Variants in ALKBH1 observed in about 807,000 individuals in gnomAD.
ALKBH1 encodes nucleic acid dioxygenase ALKBH1.
Under a neutral mutation model 36.6 loss-of-function variants are expected in ALKBH1, and 31 were observed. The observed-to-expected ratio is 0.85, with a 90% CI of 0.64 to 1.14. The LOEUF is 1.14. Among genes scored for constraint, ALKBH1 ranks in the 50% most tolerant of loss-of-function variants. ALKBH1 has a pLI of 0.00. For synonymous variants in ALKBH1, 183 were observed against 186.6 expected, an observed-to-expected ratio of 0.98 and a Z score of 0.16; for missense variants, 490 against 497.3, an observed-to-expected ratio of 0.99 and a Z score of 0.14.
In ALKBH1 at chr14:77,688,281, CTGCTTT is replaced by C. The variant is rs577096303; in HGVS notation, c.455+6451_455+6456del. On this transcript the variant is annotated intron_variant, in intron 3 of 5. Coordinates refer to ENST00000216489, the MANE Select transcript of ALKBH1 (RefSeq NM_006020.3). ...TTTTTGAGACAGAGTCTCAATTGCT[CTGCTTT>C]TGCTCTGTCGCCAGGCTGGAGTGCA... Among the ~76,000 whole-genome samples, 38 of 146,328 alleles carry C rather than the reference CTGCTTT, an allele frequency of 2.6e-4. No homozygotes were observed. In the East Asian group the frequency reaches 6.8e-3, roughly 26 times the overall value.
chr14:77,705,778 C>T (rs539131384), intron 1 of ALKBH1, among the ~76,000 whole-genome samples: 4 of 151,970 alleles, frequency 2.6e-5, no homozygotes, highest in East Asian at 1.9e-4. Flanking sequence ...TGAAACAGGC[C>T]GAGCGGTGGC....
intron 3 of ALKBH1, among the ~76,000 whole-genome samples, chr14:77,685,400 G>A (rs1049586099): frequency 4.0e-5 from 6 of 150,870 alleles, no homozygotes; most frequent in Non-Finnish European, 8.8e-5. Flanking sequence ...TCATGCCACT[G>A]CACTCCAGCC....
intron 3 of ALKBH1, among the ~76,000 whole-genome samples, chr14:77,693,298 C>T (rs2080308755): frequency 6.6e-6 from 1 of 151,984 alleles, no homozygotes; most frequent in Non-Finnish European, 1.5e-5. Flanking sequence ...TTCTTCTCAC[C>T]TTGGCCTCCC....
chr14:77,693,206 CAA>C (rs59132199), intron 3 of ALKBH1, among the ~76,000 whole-genome samples: 9 of 126,738 alleles, frequency 7.1e-5, no homozygotes, highest in Non-Finnish European at 8.4e-5. Flanking sequence ...AACTCCGTCT[CAA>C]AAAAAAAAAA....
At chr14:77,679,153 G>A (rs2080222955) in intron 4 of ALKBH1, among the ~76,000 whole-genome samples, 1 of 151,932 alleles carries the variant, frequency 6.6e-6, no homozygotes, top group Admixed American at 6.6e-5. Context: ...GTGAGTTGAC[G>A]AATGAACAAT....
rs774703181 is a variant in ALKBH1, at chr14:77,680,677, C to CTCTTTTT, written c.456-708_456-707insAAAAAGA. 1.2e-3 allele frequency among the ~76,000 whole-genome samples: 145 copies of CTCTTTTT among 124,318 alleles called. 8 individuals are homozygous for CTCTTTTT. Among genetic ancestry groups the CTCTTTTT allele is most frequent in the African/African-American group, 3.0e-3 (93 of 31,342 alleles). 81.6% of individuals were successfully genotyped at this position (124,318 alleles called of 152,430 possible). On this transcript the variant is annotated intron_variant, in intron 3 of 5. Coordinates refer to ENST00000216489, the MANE Select transcript of ALKBH1 (RefSeq NM_006020.3). ...GATCAAATCTATGTGATTAACTACT[C>CTCTTTTT]TTTTTTTTTTTTTTTTTTTGAGACA...
At chr14:77,693,398 T>C (rs1471499854) in intron 3 of ALKBH1, among the ~76,000 whole-genome samples, 3 of 152,192 alleles carry the variant, frequency 2.0e-5, no homozygotes, top group East Asian at 3.9e-4. Flanking sequence ...ATAACTAAAG[T>C]ACAAATTTCT....
At chr14:77,701,371 C>T (rs1388701492) in intron 2 of ALKBH1, among the ~76,000 whole-genome samples, 1 of 152,090 alleles carries the variant, frequency 6.6e-6, no homozygotes, top group East Asian at 1.9e-4. Context: ...AAAACTTGCC[C>T]AAAGTCTTAC....
intron 3 of ALKBH1, among the ~76,000 whole-genome samples, chr14:77,691,406 G>A (rs1344873200): frequency 1.3e-5 from 2 of 152,136 alleles, no homozygotes; most frequent in African/African-American, 4.8e-5. Flanking sequence ...CAGGGGAACT[G>A]TTTTGAACTC....
At chr14:77,705,122 T>A (rs2080380917) in intron 1 of ALKBH1, among the ~76,000 whole-genome samples, 1 of 151,770 alleles carries the variant, frequency 6.6e-6, no homozygotes, top group East Asian at 1.9e-4. Context: ...GGTGAGAAAA[T>A]GAAAAGAGAA....
At chr14:77,705,782 C>T (rs923279350) in intron 1 of ALKBH1, among the ~76,000 whole-genome samples, 3 of 152,078 alleles carry the variant, frequency 2.0e-5, no homozygotes, top group African/African-American at 7.2e-5. Flanking sequence ...ACAGGCCGAG[C>T]GGTGGCTCAC....
chr14:77,700,753 G>C (rs1401623769), intron 2 of ALKBH1, among the ~76,000 whole-genome samples: 3 of 152,130 alleles, frequency 2.0e-5, no homozygotes, highest in African/African-American at 4.8e-5. Context: ...TCTTTAGGCA[G>C]TCCATTTTAG....
intron 3 of ALKBH1, among the ~76,000 whole-genome samples, chr14:77,681,064 T>A (rs184851177): frequency 1.3e-5 from 2 of 151,808 alleles, no homozygotes; most frequent in Non-Finnish European, 3.0e-5. Flanking sequence ...AATGATTTAA[T>A]TTTTCTCTGT....
chr14:77,694,791 G>A lies in ALKBH1; in HGVS notation c.402C>T (p.His134=), dbSNP rs780327045. The change falls in exon 3 of 6, where the codon CAC becomes CAT. Residue 134 remains histidine (H), a synonymous_variant. Coordinates refer to ENST00000216489, the MANE Select transcript of ALKBH1 (RefSeq NM_006020.3). ...GATCTTGGGTCTCTTCTTTAGACAT[G>A]TGTTTGTCCAGGTTACATACATTAG... ...QKPNVCNLDK[H]MSKEETQDLW... 1.9e-6 allele frequency: 3 copies of A among 1,609,246 alleles called. No homozygotes were observed. The highest frequency in any genetic ancestry group is 2.2e-5 in the South Asian group (2 of 89,514).
chr14:77,686,359 G>GC (rs2080268197), intron 3 of ALKBH1, among the ~76,000 whole-genome samples: 1 of 152,196 alleles, frequency 6.6e-6, no homozygotes, highest in Admixed American at 6.5e-5. Flanking sequence ...CTCTCACCTT[G>GC]AAGAATGCAG....
chr14:77,673,685 T>C lies in ALKBH1; in HGVS notation c.*127A>G. On this transcript the variant is annotated 3_prime_UTR_variant, in exon 6 of 6. Transcript: ENST00000216489. ...CGTGGGTTCCAAGGCAACAGTGTGA[T>C]CAACAATGAGTTCTTCCCTGTCTCT... The C allele has an allele frequency of 1.0e-6, 1 of 995,930 alleles. No individual in the cohort carries two copies. Among genetic ancestry groups the C allele is most frequent in the Non-Finnish European group, 1.5e-6 (1 of 672,106 alleles). 61.7% of individuals were successfully genotyped at this position (995,930 alleles called of 1,614,324 possible). A position where few individuals can be genotyped will look rare whatever the true frequency, so the allele number is the denominator to read the frequency against.
intron 1 of ALKBH1, among the ~76,000 whole-genome samples, chr14:77,705,006 G>C (rs2080380437): frequency 6.6e-6 from 1 of 152,158 alleles, no homozygotes; most frequent in South Asian, 2.1e-4. Context: ...GAAATATCTT[G>C]AGTCACAAAG....
intron 1 of ALKBH1, 34 bp downstream of exon 1, chr14:77,707,788 G>T (rs1430959916): frequency 2.6e-6 from 4 of 1,562,428 alleles, no homozygotes; most frequent in Non-Finnish European, 3.5e-6. Context: ...GGGGCAAAGC[G>T]ATGGAGAGAC....
Position 77,679,950 on chromosome 14 carries a change from C to T in ALKBH1, c.476G>A (p.Arg159Gln), listed in dbSNP as rs541244029. 2.3e-4 allele frequency: 379 copies of T among 1,613,946 alleles called. 4 individuals carry two copies. The South Asian group carries it at 3.9e-3, about 17-fold the overall frequency. Residue 159 changes from arginine (R) to glutamine (Q), a missense_variant, in exon 4 of 6, where the codon CGG becomes CAG. Transcript: ENST00000216489. The stretch of plus-strand genomic sequence containing the variant: ...TTTCTCCAGTAAACTTCGGGGTCTC[C>T]GTTTAGTCGCTTCTTTATACCTGCA... Reference protein sequence around the residue: ...EFLRYKEATKRRPRSLLEKLR... With the variant: ...EFLRYKEATKQRPRSLLEKLR...
Sources: allele counts gnomAD v4.1 joint callset (sites outside exome capture counted in the v4.1 genomes callset), GRCh38; gene constraint gnomAD v4.1.1; transcripts MANE v1.5; gene names NCBI Gene and HGNC (gene_info 2026-07-23, HGNC 2026-07-21).